The following DPP6 variants were observed in gnomAD, a reference collection of about 807,000 sequenced individuals.
The protein encoded by DPP6 is dipeptidyl peptidase like 6, also known as A-type potassium channel modulatory protein DPP6.
In DPP6, 69 loss-of-function variants were observed where a neutral mutation model predicts 122.6. The observed-to-expected ratio is 0.56, with a 90% CI of 0.46 to 0.69. The LOEUF (loss-of-function observed/expected upper bound fraction) is 0.69. Ranked by LOEUF, DPP6 falls within the 30% of genes least tolerant of loss-of-function variation. The probability of loss-of-function intolerance (pLI) is 0.00; values close to 1 mark genes in which losing one functional copy is unlikely to be tolerated. For synonymous variants in DPP6, 418 were observed against 433.1 expected, an observed-to-expected ratio of 0.97 and a Z score of 0.43; for missense variants, 928 against 1,116.9, an observed-to-expected ratio of 0.83 and a Z score of 2.41.
chr7:154,365,370 A>C (rs540339662), intron 1 of DPP6, among the ~76,000 whole-genome samples: 3 of 152,222 alleles, frequency 2.0e-5, no homozygotes, highest in Non-Finnish European at 2.9e-5. Context: ...TAAAATCCAC[A>C]GGACAAGGTG....
chr7:153,922,192 T>C (rs1800671305), intron 1 of DPP6, among the ~76,000 whole-genome samples: 1 of 151,950 alleles, frequency 6.6e-6, no homozygotes. Flanking sequence ...GGTGTACTTT[T>C]CTTTGTTTAA....
chr7:154,578,133 T>C (rs1831805818), intron 5 of DPP6, among the ~76,000 whole-genome samples: 1 of 152,246 alleles, frequency 6.6e-6, no homozygotes, highest in African/African-American at 2.4e-5. Context: ...AAACCATTTC[T>C]TGAAACAGGT....
chr7:154,201,133 T>C (rs1306541768), intron 1 of DPP6, among the ~76,000 whole-genome samples: 1 of 152,078 alleles, frequency 6.6e-6, no homozygotes, highest in African/African-American at 2.4e-5. Flanking sequence ...TTTTTTGTTG[T>C]TGTTTTTTTT....
At chr7:154,716,320 C>T (rs901403907) in intron 7 of DPP6, among the ~76,000 whole-genome samples, 1 of 152,296 alleles carries the variant, frequency 6.6e-6, no homozygotes. Context: ...ACCTGTCCCC[C>T]ACTCTTGCTG....
intron 1 of DPP6, among the ~76,000 whole-genome samples, chr7:154,022,979 A>C (rs1215470377): frequency 6.6e-6 from 1 of 152,122 alleles, no homozygotes; most frequent in Non-Finnish European, 1.5e-5. Context: ...GTACAAAGCC[A>C]ATTCCCCTTC....
At chr7:154,297,988 G>C (rs1483383645) in intron 1 of DPP6, among the ~76,000 whole-genome samples, 1 of 152,196 alleles carries the variant, frequency 6.6e-6, no homozygotes, top group Non-Finnish European at 1.5e-5. Flanking sequence ...TGTTGCTGTG[G>C]AGTTTTGTTT....
intron 1 of DPP6, among the ~76,000 whole-genome samples, chr7:154,410,171 A>C (rs1586189849): frequency 6.6e-6 from 1 of 152,224 alleles, no homozygotes; most frequent in African/African-American, 2.4e-5. Flanking sequence ...TCAATAAGAT[A>C]CGTGGAAACA....
intron 1 of DPP6, among the ~76,000 whole-genome samples, chr7:154,192,377 C>G (rs921211729): frequency 2.1e-4 from 32 of 152,222 alleles, no homozygotes; most frequent in African/African-American, 7.2e-4. Context: ...TAGCTAACAC[C>G]TAGTCACTAG....
At position 154,089,063 on chromosome 7, in the gene DPP6, A is replaced by G. The variant is rs1033886860; in HGVS notation, c.243+36000A>G. Among the ~76,000 whole-genome samples, 14 of 152,258 alleles carry G rather than the reference A, an allele frequency of 9.2e-5. 1 individual carries two copies. Among genetic ancestry groups the G allele is most frequent in the Admixed American group, 8.5e-4 (13 of 15,296 alleles). On this transcript the variant is annotated intron_variant, in intron 1 of 25. Transcript: ENST00000377770. ...GGAGTGAGAAGTAGTTGAAAACACT[A>G]AAGTTGTGTACCCTACAAAATTGTC...
At chr7:154,099,223 A>T (rs1805563503) in intron 1 of DPP6, among the ~76,000 whole-genome samples, 1 of 152,194 alleles carries the variant, frequency 6.6e-6, no homozygotes, top group Non-Finnish European at 1.5e-5. Context: ...ATTCATATTA[A>T]AAATAAAATT....
intron 6 of DPP6, among the ~76,000 whole-genome samples, chr7:154,660,511 G>C (rs1251267101): frequency 6.7e-6 from 1 of 148,270 alleles, no homozygotes; most frequent in African/African-American, 2.6e-5. Flanking sequence ...TATAGTCATG[G>C]TGAATCACCA....
chr7:153,982,009 C>A (rs866690048), intron 1 of DPP6, among the ~76,000 whole-genome samples: 46 of 152,296 alleles, frequency 3.0e-4, no homozygotes, highest in Admixed American at 7.8e-4. Context: ...GTGAATCTGA[C>A]GATTATGTAT....
chr7:154,853,746 T>C (rs1210896197), intron 16 of DPP6, 34 bp from the exon 17 acceptor site: 5 of 1,606,692 alleles, frequency 3.1e-6, no homozygotes. Flanking sequence ...GCTTCGTTTT[T>C]GTTTTCTTCC....
At chr7:153,987,498 G>A (rs1056115322) in intron 1 of DPP6, among the ~76,000 whole-genome samples, 3 of 152,230 alleles carry the variant, frequency 2.0e-5, no homozygotes, top group Admixed American at 2.0e-4. Flanking sequence ...CTGCAGATGA[G>A]TGCCTTCTAG....
intron 3 of DPP6, among the ~76,000 whole-genome samples, chr7:154,491,289 G>A (rs2151387722): frequency 6.6e-6 from 1 of 152,264 alleles, no homozygotes; most frequent in South Asian, 2.1e-4. Context: ...TAAAATTAGG[G>A]AGTGCCAATT....
chr7:154,661,723 G>A (rs62475179), intron 6 of DPP6, among the ~76,000 whole-genome samples: 30 of 70,038 alleles, frequency 4.3e-4, no homozygotes, highest in East Asian at 1.2e-3. Flanking sequence ...CATATTGGCC[G>A]TAGTGTTCAT....
chr7:154,086,649 C>T (rs1175219064), intron 1 of DPP6, among the ~76,000 whole-genome samples: 14 of 146,266 alleles, frequency 9.6e-5, no homozygotes, highest in Non-Finnish European at 1.5e-4. Flanking sequence ...GATGGAGTCT[C>T]GCTCTGTCAC....
intron 1 of DPP6, among the ~76,000 whole-genome samples, chr7:154,401,797 G>A (rs1039716662): frequency 2.4e-4 from 36 of 152,078 alleles, no homozygotes; most frequent in African/African-American, 7.2e-4. Flanking sequence ...AACTACCATC[G>A]GAGTGAACAG....
intron 1 of DPP6, among the ~76,000 whole-genome samples, chr7:154,279,543 C>T (rs1314164851): frequency 1.3e-5 from 2 of 152,140 alleles, no homozygotes; most frequent in African/African-American, 4.8e-5. Context: ...GCACGCCATG[C>T]CTGTGGGCCT....
Sources: allele counts gnomAD v4.1 joint callset (sites outside exome capture counted in the v4.1 genomes callset), GRCh38; gene constraint gnomAD v4.1.1; transcripts MANE v1.5; gene names NCBI Gene and HGNC (gene_info 2026-07-23, HGNC 2026-07-21).